The following TMPRSS15 variants were observed in gnomAD, a reference collection of about 807,000 sequenced individuals.
The protein encoded by TMPRSS15 is transmembrane serine protease 15.
A neutral mutation model predicts 125.3 loss-of-function variants in TMPRSS15; 128 were observed. That is an observed-to-expected ratio of 1.02 (90% CI 0.89 to 1.18). The LOEUF (loss-of-function observed/expected upper bound fraction) is 1.18. TMPRSS15 is among the 50% of genes most tolerant of loss of function. The probability of loss-of-function intolerance (pLI) is 0.00; values close to 1 mark genes in which losing one functional copy is unlikely to be tolerated. For synonymous variants in TMPRSS15, 446 were observed against 423.2 expected, an observed-to-expected ratio of 1.05 and a Z score of -0.66; for missense variants, 1,283 against 1,212.7, an observed-to-expected ratio of 1.06 and a Z score of -0.86.
At chr21:18,398,099 A>G in intron 2 of TMPRSS15, 100 bp downstream of exon 2, 2 of 1,435,314 alleles carry the variant, frequency 1.4e-6, no homozygotes, top group Non-Finnish European at 2.0e-6. Context: ...TCTTGGGCAT[A>G]TTACATTTAT....
chr21:18,376,809 T>C (rs530901471), intron 5 of TMPRSS15, among the ~76,000 whole-genome samples: 1 of 152,290 alleles, frequency 6.6e-6, no homozygotes, highest in Admixed American at 6.5e-5. Flanking sequence ...TTAAAAGTAA[T>C]TGGCAACAAA....
intron 16 of TMPRSS15, among the ~76,000 whole-genome samples, chr21:18,322,259 G>C (rs2075246462): frequency 6.6e-6 from 1 of 152,248 alleles, no homozygotes; most frequent in East Asian, 1.9e-4. Context: ...TACACCTTTG[G>C]TAGAAATGTA....
intron 1 of TMPRSS15, among the ~76,000 whole-genome samples, chr21:18,402,971 G>A (rs1398287543): frequency 6.6e-6 from 1 of 152,114 alleles, no homozygotes; most frequent in Non-Finnish European, 1.5e-5. Flanking sequence ...ACCTTTTTAA[G>A]TCTACATTTA....
At chr21:18,435,819 G>A (rs1340827868) in intron 1 of TMPRSS15, among the ~76,000 whole-genome samples, 5 of 152,144 alleles carry the variant, frequency 3.3e-5, no homozygotes, top group African/African-American at 9.7e-5. Flanking sequence ...TCCTGTTATT[G>A]GTCTATTCAG....
Position 18,317,796 on chromosome 21 carries a change from TCCCATCCCATCCC to T in TMPRSS15, c.1922-2553_1922-2541del, listed in dbSNP as rs1159739684. 1.4e-3 allele frequency among the ~76,000 whole-genome samples: 151 copies of T among 111,436 alleles called. 2 individuals carry two copies. The highest frequency in any genetic ancestry group is 4.0e-3 in the African/African-American group (118 of 29,152). The allele number at this position is 111,436 out of a possible 152,430, so 73.1% of individuals were successfully genotyped here. A position where few individuals can be genotyped will look rare whatever the true frequency, so the allele number is the denominator to read the frequency against. On this transcript the variant is annotated intron_variant, in intron 16 of 24. Coordinates refer to ENST00000284885, the MANE Select transcript of TMPRSS15 (RefSeq NM_002772.3). ...TCCCATCCCATCCCATCCCATCCCA[TCCCATCCCATCCC>T]ATCCCATTCTATCCTATCCCATCCT...
intron 1 of TMPRSS15, among the ~76,000 whole-genome samples, chr21:18,432,849 GA>G (rs1299033874): frequency 3.9e-5 from 6 of 152,066 alleles, no homozygotes; most frequent in Non-Finnish European, 1.5e-5. Context: ...GATGTCTTGG[GA>G]AACAGTAAAA....
intron 13 of TMPRSS15, among the ~76,000 whole-genome samples, chr21:18,336,801 G>C (rs538409461): frequency 5.7e-4 from 87 of 152,284 alleles, no homozygotes; most frequent in African/African-American, 2.0e-3. Context: ...CTTCCGAGTA[G>C]CTTGGACAAC....
chr21:18,279,160 T>C, intron 22 of TMPRSS15, 101 bp from the exon 23 acceptor site: 1 of 696,308 alleles, frequency 1.4e-6, no homozygotes, highest in East Asian at 2.9e-5. Context: ...ACAGTTAATC[T>C]AAAAAACATG....
In TMPRSS15 at chr21:18,315,224, T is replaced by C. The variant is rs781781695; in HGVS notation, c.1954A>G (p.Asn652Asp). Residue 652 changes from asparagine to aspartate, a missense_variant, in exon 17 of 25, where the codon AAT becomes GAT. Physicochemically the swap from Asn to Asp is conservative, Grantham distance 23. Transcript: ENST00000284885. ...PCKADHFQCKNGECVPLVNLC... is the reference protein window; with the variant it reads ...PCKADHFQCKDGECVPLVNLC... Reference sequence around the variant, plus strand: ...TTCACCAGTGGAACACACTCTCCATTTTTACATTGAAAATGGTCTGCCTTG... The same window carrying C: ...TTCACCAGTGGAACACACTCTCCATCTTTACATTGAAAATGGTCTGCCTTG... 3 of 1,613,730 alleles carry C rather than the reference T, an allele frequency of 1.9e-6. No individual in the cohort carries two copies. Among genetic ancestry groups the C allele is most frequent in the Non-Finnish European group, 2.5e-6 (3 of 1,179,980 alleles).
At position 18,367,392 on chromosome 21, in the gene TMPRSS15, G is replaced by C. The variant is rs553631124; in HGVS notation, c.665-2144C>G. Among the ~76,000 whole-genome samples, 4 of 152,274 alleles carry C rather than the reference G, an allele frequency of 2.6e-5. No individual in the cohort carries two copies. The South Asian group carries it at 8.3e-4, about 32-fold the overall frequency. On this transcript the variant is annotated intron_variant, in intron 6 of 24. Coordinates refer to ENST00000284885, the MANE Select transcript of TMPRSS15 (RefSeq NM_002772.3). ...TAATGACTTGCTAAATAATTTTCCAGTTGTAAAAGCAAATCTCTTTTCTCA... is the reference window on the plus strand; with the variant it reads ...TAATGACTTGCTAAATAATTTTCCACTTGTAAAAGCAAATCTCTTTTCTCA...
chr21:18,384,824 C>G (rs980380294), intron 3 of TMPRSS15, among the ~76,000 whole-genome samples: 1 of 152,106 alleles, frequency 6.6e-6, no homozygotes, highest in Admixed American at 6.5e-5. Flanking sequence ...AGTTTATGAG[C>G]TTGTTGAAGG....
At chr21:18,466,094 C>G (rs756749394) in intron 1 of TMPRSS15, among the ~76,000 whole-genome samples, 3 of 152,064 alleles carry the variant, frequency 2.0e-5, no homozygotes, top group Non-Finnish European at 2.9e-5. Flanking sequence ...AAATAAGCCT[C>G]AGAAATAACG....
intron 13 of TMPRSS15, among the ~76,000 whole-genome samples, chr21:18,337,560 C>T (rs1031811461): frequency 2.6e-5 from 4 of 152,060 alleles, no homozygotes; most frequent in African/African-American, 9.7e-5. Context: ...ATTGTAGAAT[C>T]AATGCAGCAG....
intron 1 of TMPRSS15, among the ~76,000 whole-genome samples, chr21:18,450,543 G>A (rs1161038784): frequency 6.6e-6 from 1 of 152,104 alleles, no homozygotes; most frequent in Non-Finnish European, 1.5e-5. Flanking sequence ...GTAGAAGGAG[G>A]TTCAACTTTG....
intron 4 of TMPRSS15, among the ~76,000 whole-genome samples, chr21:18,383,166 T>C (rs1265790216): frequency 2.0e-5 from 3 of 151,732 alleles, no homozygotes; most frequent in African/African-American, 7.3e-5. Flanking sequence ...CACAAACTTC[T>C]GTGCATGCCA....
chr21:18,432,717 G>A (rs1482251986), intron 1 of TMPRSS15, among the ~76,000 whole-genome samples: 6 of 152,270 alleles, frequency 3.9e-5, no homozygotes, highest in East Asian at 3.9e-4. Context: ...CCCGGCCCAC[G>A]TAGATTTTGG....
In TMPRSS15 at chr21:18,305,294, T is replaced by A. The variant is rs186847431; in HGVS notation, c.2166-7465A>T. On this transcript the variant is annotated intron_variant, in intron 18 of 24. Coordinates refer to ENST00000284885, the MANE Select transcript of TMPRSS15 (RefSeq NM_002772.3). ...AGCTCCGCCTCCCGGGTTCACGCCA[T>A]TCTCCTGCCTCAGCCTCCCGAGTAG... 3.8e-3 allele frequency among the ~76,000 whole-genome samples: 560 copies of A among 146,464 alleles called. 6 individuals carry two copies. The highest frequency in any genetic ancestry group is 0.013 in the African/African-American group (529 of 40,222).
rs1250788534 is a variant in TMPRSS15, at chr21:18,324,849, T to C, written c.1921+1583A>G. Among the ~76,000 whole-genome samples the C allele has an allele frequency of 2.6e-5, 4 of 152,042 alleles. No individual in the cohort carries two copies. The East Asian group carries it at 5.8e-4, about 22-fold the overall frequency. On this transcript the variant is annotated intron_variant, in intron 16 of 24. Transcript: ENST00000284885. ...CCCTTCTATACTTTAAAAGTGTAAC[T>C]CAAATGTTGAATTAAATTAAAATAA...
intron 18 of TMPRSS15, among the ~76,000 whole-genome samples, chr21:18,309,600 C>G (rs1404439451): frequency 1.3e-5 from 2 of 151,954 alleles, no homozygotes; most frequent in Non-Finnish European, 2.9e-5. Flanking sequence ...CAAACAACCC[C>G]ATCAAAAAGT....
Sources: allele counts gnomAD v4.1 joint callset (sites outside exome capture counted in the v4.1 genomes callset), GRCh38; gene constraint gnomAD v4.1.1; transcripts MANE v1.5; gene names NCBI Gene and HGNC (gene_info 2026-07-23, HGNC 2026-07-21).